Variants in PYGO1 observed in about 807,000 individuals in gnomAD.
PYGO1 encodes the protein pygopus homolog 1.
A neutral mutation model predicts 29.5 loss-of-function variants in PYGO1; 6 were observed. That is an observed-to-expected ratio of 0.20 (90% CI 0.11 to 0.40). The LOEUF is 0.40. Ranked by LOEUF, PYGO1 falls within the 10% of genes least tolerant of loss-of-function variation. PYGO1 has a pLI of 1.00. For missense variants in PYGO1, 515 were observed against 514.9 expected, an observed-to-expected ratio of 1.00 and a Z score of 0.00; for synonymous variants, 186 against 180.5, an observed-to-expected ratio of 1.03 and a Z score of -0.24.
At chr15:55,585,194 T>G (rs1287621372) in intron 1 of PYGO1, among the ~76,000 whole-genome samples, 1 of 152,244 alleles carries the variant, frequency 6.6e-6, no homozygotes, top group African/African-American at 2.4e-5. Context: ...TTCATTTAAA[T>G]TGCTATATGT....
rs574249542 is a variant in PYGO1 at position 55,544,177 on chromosome 15, T to C, written c.*1846A>G. 3.9e-5 allele frequency: 6 copies of C among 152,302 alleles called. No individual in the cohort carries two copies. In the South Asian group the frequency reaches 8.3e-4, roughly 21 times the overall value. 9.4% of individuals were successfully genotyped at this position (152,302 alleles called of 1,614,324 possible). ...TTGTATTACCTTGTACCATATGAAA[T>C]TGCTGTTTTTGTAGGTCAAAATTAA... On this transcript the variant is annotated 3_prime_UTR_variant, in exon 3 of 3. Transcript: ENST00000563719.
rs1217387390 is a variant in PYGO1 at position 55,544,744 on chromosome 15, A to G, written c.*1279T>C. The G allele has an allele frequency of 2.0e-5, 3 of 152,160 alleles. No homozygotes were observed. Among genetic ancestry groups the G allele is most frequent in the African/African-American group, 7.2e-5 (3 of 41,438 alleles). 9.4% of individuals were successfully genotyped at this position (152,160 alleles called of 1,614,324 possible). On this transcript the variant is annotated 3_prime_UTR_variant, in exon 3 of 3. Coordinates refer to ENST00000563719, the MANE Select transcript of PYGO1 (RefSeq NM_001367806.1). Reference sequence around the variant, plus strand: ...TATTAGGGAGCTTTACCAGCCTCCAATGATTGTATAAATTGCCATTAGCTG... The same window carrying G: ...TATTAGGGAGCTTTACCAGCCTCCAGTGATTGTATAAATTGCCATTAGCTG...
At chr15:55,572,340 G>C (rs76377157) in intron 1 of PYGO1, among the ~76,000 whole-genome samples, 2,256 of 152,232 alleles carry the variant, frequency 0.015, 53 homozygotes, top group African/African-American at 0.052. Flanking sequence ...TGGAAAAACT[G>C]AATAACCACA....
At position 55,546,719 on chromosome 15, in the gene PYGO1, A is replaced by C. The variant is rs1182011997; in HGVS notation, c.564T>G (p.Pro188=). 1 of 1,613,926 alleles carries C rather than the reference A, an allele frequency of 6.2e-7. No individual in the cohort carries two copies. The highest frequency in any genetic ancestry group is 1.3e-5 in the African/African-American group (1 of 74,918). ...TAGAAACTTGGCTAGCATTCTGTGG[A>C]GGAATTTGACTGAAATTTTCAGCAG... The part of the protein sequence containing the change: ...QNPAENFSQI[P]PQNASQVSNP... The change falls in exon 3 of 3, where the codon CCT becomes CCG. Residue 188 remains proline (P), a synonymous_variant. Transcript: ENST00000563719.
chr15:55,560,578 C>G (rs950638442), intron 1 of PYGO1, among the ~76,000 whole-genome samples: 1 of 152,186 alleles, frequency 6.6e-6, no homozygotes, highest in African/African-American at 2.4e-5. Context: ...TAGGAAGAAT[C>G]AGTATTGTGA....
chr15:55,558,568 G>A (rs181356963), intron 1 of PYGO1, among the ~76,000 whole-genome samples: 217 of 152,168 alleles, frequency 1.4e-3, no homozygotes, highest in African/African-American at 5.0e-3. Flanking sequence ...GAACAAAGCT[G>A]GAGGAATCAT....
chr15:55,575,351 T>A (rs894581426), intron 1 of PYGO1, among the ~76,000 whole-genome samples: 8 of 152,168 alleles, frequency 5.3e-5, no homozygotes, highest in African/African-American at 1.9e-4. Flanking sequence ...TGAGTAGCAA[T>A]GTACAATTCT....
upstream of PYGO1, chr15:55,588,806 T>G (rs1191759301): frequency 8.1e-6 from 13 of 1,613,538 alleles, no homozygotes; most frequent in Non-Finnish European, 1.0e-5. Flanking sequence ...GAACGTACCA[T>G]GCGAGGAAAC....
chr15:55,578,726 T>G (rs1359329117), intron 1 of PYGO1, among the ~76,000 whole-genome samples: 2 of 152,194 alleles, frequency 1.3e-5, no homozygotes, highest in Non-Finnish European at 2.9e-5. Context: ...TTACAAAAAT[T>G]CTTTATATAT....
At chr15:55,584,029 T>C (rs2059036263) in intron 1 of PYGO1, among the ~76,000 whole-genome samples, 1 of 152,080 alleles carries the variant, frequency 6.6e-6, no homozygotes. Context: ...TCACAGCCCT[T>C]ATCATGCTAT....
At position 55,553,761 on chromosome 15, in the gene PYGO1, G is replaced by T. The variant is rs932057402; in HGVS notation, c.50-4766C>A. 2.6e-5 allele frequency among the ~76,000 whole-genome samples: 4 copies of T among 152,136 alleles called. No homozygotes were observed. The East Asian group carries it at 7.7e-4, about 29-fold the overall frequency. ...CCGGGGTCTCCAGATACCTCCTATA[G>T]AAGCACTCAAGCCAGCAATAGGTCA... On this transcript the variant is annotated intron_variant, in intron 1 of 2. Coordinates refer to ENST00000563719, the MANE Select transcript of PYGO1 (RefSeq NM_001367806.1).
intron 1 of PYGO1, among the ~76,000 whole-genome samples, chr15:55,578,703 A>AT (rs1337690747): frequency 6.6e-6 from 1 of 152,132 alleles, no homozygotes; most frequent in East Asian, 1.9e-4. Context: ...CTTAGGTTGT[A>AT]TTTTGTTGTG....
Position 55,539,434 on chromosome 15 carries a change from C to T in PYGO1, c.*6589G>A, listed in dbSNP as rs996866134. 4 of 149,154 alleles carry T rather than the reference C, an allele frequency of 2.7e-5. No individual in the cohort carries two copies. Among genetic ancestry groups the T allele is most frequent in the Non-Finnish European group, 6.0e-5 (4 of 66,998 alleles). The allele number at this position is 149,154 out of a possible 1,614,324, so 9.2% of individuals were successfully genotyped here. ...CTGAGAATTGTAACCTGGTCATTAA[C>T]CAAAAAAAAAAATAAACAATTTGGG... On this transcript the variant is annotated 3_prime_UTR_variant, in exon 3 of 3. Coordinates refer to ENST00000563719, the MANE Select transcript of PYGO1 (RefSeq NM_001367806.1).
chr15:55,587,373 G>A (rs1264226090), intron 1 of PYGO1, among the ~76,000 whole-genome samples: 2 of 151,652 alleles, frequency 1.3e-5, no homozygotes, highest in Non-Finnish European at 2.9e-5. Flanking sequence ...CCTTTGCCGG[G>A]GTGGGGGGGC....
chr15:55,563,188 A>T (rs889294491), intron 1 of PYGO1, among the ~76,000 whole-genome samples: 18 of 152,152 alleles, frequency 1.2e-4, no homozygotes, highest in African/African-American at 4.1e-4. Context: ...AAATATTTGC[A>T]AATAATAAGA....
intron 1 of PYGO1, among the ~76,000 whole-genome samples, chr15:55,564,375 G>C (rs1213793210): frequency 3.3e-5 from 5 of 152,152 alleles, no homozygotes; most frequent in Non-Finnish European, 5.9e-5. Flanking sequence ...AAAATCTTTA[G>C]AGACAAAAAA....
In PYGO1 at chr15:55,587,978, G is replaced by A. The variant is rs1430849455; in HGVS notation, c.-95C>T. The A allele has an allele frequency of 1.6e-5, 22 of 1,417,936 alleles. No homozygotes were observed. The highest frequency in any genetic ancestry group is 2.0e-5 in the Non-Finnish European group (22 of 1,079,996). The allele number at this position is 1,417,936 out of a possible 1,614,324, so 87.8% of individuals were successfully genotyped here. ...TCCTCCTCCTCGCGGGGCCGCTGCG[G>A]CTGCGAGGCAAGCCTCGGAGCCGAG... On this transcript the variant is annotated 5_prime_UTR_variant, in exon 1 of 3. Transcript: ENST00000563719.
chr15:55,588,586 C>G (rs982065461), upstream of PYGO1, among the ~76,000 whole-genome samples: 2 of 140,504 alleles, frequency 1.4e-5, no homozygotes, highest in African/African-American at 2.5e-5. Flanking sequence ...CTCGCGGGCC[C>G]GCGGCTCTTG....
At chr15:55,571,754 T>C (rs182043855) in intron 1 of PYGO1, among the ~76,000 whole-genome samples, 116 of 152,298 alleles carry the variant, frequency 7.6e-4, no homozygotes, top group South Asian at 6.2e-3. Context: ...GTGAAAATCA[T>C]CCAGTATTCG....
Sources: allele counts gnomAD v4.1 joint callset (sites outside exome capture counted in the v4.1 genomes callset), GRCh38; gene constraint gnomAD v4.1.1; transcripts MANE v1.5; gene names NCBI Gene and HGNC (gene_info 2026-07-23, HGNC 2026-07-21).